WDR7: variants seen among roughly 807,000 people sequenced by gnomAD.
WDR7 encodes WD repeat domain 7.
WDR7 carries 46 observed loss-of-function variants against 169.4 expected under a neutral mutation model. The observed-to-expected ratio is 0.27, with a 90% CI of 0.21 to 0.35. The LOEUF is 0.35. Ranked by LOEUF, WDR7 falls within the 10% of genes least tolerant of loss-of-function variation. The pLI, the probability that WDR7 is intolerant of heterozygous loss-of-function variation, is 1.00. For missense variants in WDR7, 1,534 were observed against 1,859.3 expected (o/e 0.83, Z 3.22); for synonymous variants, 612 against 666.8 (o/e 0.92, Z 1.27).
At chr18:56,711,621 A>G (rs940669255) in intron 12 of WDR7, among the ~76,000 whole-genome samples, 17 of 152,116 alleles carry the variant, frequency 1.1e-4, no homozygotes, top group African/African-American at 3.6e-4. Context: ...TAATTATCCA[A>G]TTAGTTTGTT....
At chr18:56,703,793 T>G (rs1168961194) in intron 12 of WDR7, among the ~76,000 whole-genome samples, 1 of 152,090 alleles carries the variant, frequency 6.6e-6, no homozygotes, top group African/African-American at 2.4e-5. Flanking sequence ...CATTTTAGAA[T>G]GTTGCTTTAA....
chr18:56,950,793 C>T (rs541138405), intron 25 of WDR7, among the ~76,000 whole-genome samples: 1 of 152,296 alleles, frequency 6.6e-6, no homozygotes, highest in Non-Finnish European at 1.5e-5. Flanking sequence ...TCCAGTGCCA[C>T]TGATTCCAGA....
At chr18:56,960,337 T>A (rs2047322071) in intron 25 of WDR7, among the ~76,000 whole-genome samples, 1 of 152,186 alleles carries the variant, frequency 6.6e-6, no homozygotes, top group Non-Finnish European at 1.5e-5. Flanking sequence ...TAAGTAAGAT[T>A]TTGTCAACAC....
At chr18:57,020,980 C>T (rs775865123) in intron 27 of WDR7, 131 bp downstream of exon 27, 93 of 737,410 alleles carry the variant, frequency 1.3e-4, no homozygotes, top group Middle Eastern at 4.8e-4. Flanking sequence ...AACATCCAGT[C>T]TGTATTGATT....
chr18:56,883,658 C>T (rs1452336895), intron 21 of WDR7, among the ~76,000 whole-genome samples: 3 of 151,914 alleles, frequency 2.0e-5, no homozygotes, highest in Non-Finnish European at 4.4e-5. Context: ...TATCCCTCAC[C>T]CCTCTCCCAC....
At chr18:56,704,684 G>GC (rs34525009) in intron 12 of WDR7, among the ~76,000 whole-genome samples, 13,517 of 152,212 alleles carry the variant, frequency 0.089, 1,080 homozygotes, top group East Asian at 0.38. Context: ...GCAGTGAGAG[G>GC]CCCCTTTAAC....
intron 21 of WDR7, among the ~76,000 whole-genome samples, chr18:56,884,246 C>T (rs1022174574): frequency 3.3e-5 from 5 of 152,200 alleles, no homozygotes; most frequent in Non-Finnish European, 5.9e-5. Flanking sequence ...TTGCCTTTCC[C>T]TGATAATTAG....
intron 21 of WDR7, among the ~76,000 whole-genome samples, 172 bp downstream of exon 21, chr18:56,880,337 T>C (rs2046088776): frequency 6.6e-6 from 1 of 152,246 alleles, no homozygotes; most frequent in Admixed American, 6.5e-5. Context: ...TAACCTGAAC[T>C]CCTTTTTAAA....
chr18:56,981,126 T>C (rs992003699), intron 26 of WDR7, among the ~76,000 whole-genome samples: 5 of 152,102 alleles, frequency 3.3e-5, no homozygotes, highest in African/African-American at 1.2e-4. Flanking sequence ...TTGGGAGAAA[T>C]GAACCAATTT....
intron 1 of WDR7, among the ~76,000 whole-genome samples, chr18:56,656,170 C>T (rs1219194327): frequency 2.6e-5 from 4 of 152,030 alleles, no homozygotes; most frequent in Non-Finnish European, 4.4e-5. Context: ...TTTGAAGTAA[C>T]TCCCAAAGTG....
Position 57,000,306 on chromosome 18 carries a change from G to A in WDR7, c.4165-20439G>A, listed in dbSNP as rs188475607. 2.1e-3 allele frequency among the ~76,000 whole-genome samples: 316 copies of A among 152,190 alleles called. 1 individual carries two copies. Among genetic ancestry groups the A allele is most frequent in the African/African-American group, 6.6e-3 (274 of 41,528 alleles). ...AGAAGAAGAGAAGGCTTAATGAATC[G>A]TATTCTTGCTGATTTCCACTGATCC... is the stretch of plus-strand genomic sequence containing the variant. On this transcript the variant is annotated intron_variant, in intron 26 of 27. Coordinates refer to ENST00000254442, the MANE Select transcript of WDR7 (RefSeq NM_015285.3).
At position 56,816,095 on chromosome 18, in the gene WDR7, A is replaced by C. The variant is rs753156803; in HGVS notation, c.3255A>C (p.Ala1085=). 2.5e-6 allele frequency: 4 copies of C among 1,613,904 alleles called. No homozygotes were observed. The highest frequency in any genetic ancestry group is 3.4e-6 in the Non-Finnish European group (4 of 1,179,922). Residue 1085 remains alanine, a synonymous_variant, in exon 20 of 28, where the codon GCA becomes GCC. Transcript: ENST00000254442. ...TTAPDASGPE[A]KVQEEEHDLV... ...CTCCTGATGCCTCAGGGCCTGAAGC[A>C]AAAGTCCAGGAGGAAGAGCATGACC...
intron 21 of WDR7, among the ~76,000 whole-genome samples, chr18:56,883,945 G>T (rs2046150487): frequency 6.6e-6 from 1 of 151,974 alleles, no homozygotes. Context: ...CCATATTTTT[G>T]CAATTGCTAA....
intron 21 of WDR7, among the ~76,000 whole-genome samples, chr18:56,895,107 TG>T (rs2046313258): frequency 6.6e-6 from 1 of 152,046 alleles, no homozygotes; most frequent in African/African-American, 2.4e-5. Flanking sequence ...AGCATGTTAA[TG>T]GTATTATTTA....
intron 20 of WDR7, among the ~76,000 whole-genome samples, chr18:56,872,076 C>G (rs1201051409): frequency 6.7e-6 from 1 of 150,370 alleles, no homozygotes; most frequent in African/African-American, 2.5e-5. Context: ...TAATAAAGCC[C>G]CATCAATATA....
intron 21 of WDR7, among the ~76,000 whole-genome samples, chr18:56,907,613 C>A (rs144320184): frequency 1.4e-3 from 212 of 152,230 alleles, no homozygotes; most frequent in African/African-American, 4.9e-3. Flanking sequence ...ACTTGGGCTG[C>A]TATAACAAAA....
At chr18:56,794,246 G>T (rs1201280623) in intron 19 of WDR7, among the ~76,000 whole-genome samples, 1 of 144,856 alleles carries the variant, frequency 6.9e-6, no homozygotes, top group Admixed American at 7.1e-5. Flanking sequence ...TCCCAAAGCA[G>T]TTCTCAAATG....
At chr18:57,020,242 T>C (rs1268429561) in intron 26 of WDR7, among the ~76,000 whole-genome samples, 1 of 152,226 alleles carries the variant, frequency 6.6e-6, no homozygotes, top group Non-Finnish European at 1.5e-5. Context: ...TACAGTGTTA[T>C]TGGTAGAAAA....
At position 57,028,573 on chromosome 18, in the gene WDR7, A is replaced by G. The variant is rs2048402051; in HGVS notation, c.*1366A>G. On this transcript the variant is annotated 3_prime_UTR_variant, in exon 28 of 28. Coordinates refer to ENST00000254442, the MANE Select transcript of WDR7 (RefSeq NM_015285.3). Reference sequence around the variant, plus strand: ...AAATAGAAAATTATTTGTTAAATTCAGAGAAAATATGTGAAGTTTACAAAG... The same window carrying G: ...AAATAGAAAATTATTTGTTAAATTCGGAGAAAATATGTGAAGTTTACAAAG... 6.6e-6 allele frequency: 1 copy of G among 152,230 alleles called. No homozygotes were observed. The highest frequency in any genetic ancestry group is 1.5e-5 in the Non-Finnish European group (1 of 68,050). 9.4% of individuals were successfully genotyped at this position (152,230 alleles called of 1,614,324 possible).
Sources: allele counts gnomAD v4.1 joint callset (sites outside exome capture counted in the v4.1 genomes callset), GRCh38; gene constraint gnomAD v4.1.1; transcripts MANE v1.5; gene names NCBI Gene and HGNC (gene_info 2026-07-23, HGNC 2026-07-21).